Variants in PIP5K1B observed in about 807,000 individuals in gnomAD.
The protein encoded by PIP5K1B is phosphatidylinositol 4-phosphate 5-kinase type-1 beta.
Under a neutral mutation model 67.0 loss-of-function variants are expected in PIP5K1B, and 42 were observed. The ratio of observed to expected loss-of-function variants is 0.63; its 90% CI spans 0.49 to 0.81. The LOEUF is 0.81. PIP5K1B is among the 30% of genes least tolerant of loss of function. The pLI, the probability that PIP5K1B is intolerant of heterozygous loss-of-function variation, is 0.00. For missense variants in PIP5K1B, 459 were observed against 646.3 expected, an observed-to-expected ratio of 0.71 and a Z score of 3.14; for synonymous variants, 214 against 231.4, an observed-to-expected ratio of 0.92 and a Z score of 0.68.
chr9:68,776,775 G>A (rs1564125932), intron 2 of PIP5K1B, among the ~76,000 whole-genome samples: 1 of 152,188 alleles, frequency 6.6e-6, no homozygotes, highest in Non-Finnish European at 1.5e-5. Flanking sequence ...TTTAATTCAT[G>A]GGAGTGAAAC....
intron 4 of PIP5K1B, among the ~76,000 whole-genome samples, chr9:68,849,504 C>T (rs1050165949): frequency 2.0e-5 from 3 of 152,152 alleles, no homozygotes; most frequent in African/African-American, 7.2e-5. Flanking sequence ...CCTCAGCCTC[C>T]CCAGGCAAGA....
intron 8 of PIP5K1B, among the ~76,000 whole-genome samples, chr9:68,915,314 G>A (rs529410779): frequency 6.6e-6 from 1 of 152,166 alleles, no homozygotes; most frequent in African/African-American, 2.4e-5. Flanking sequence ...GTGAAGAGTT[G>A]TTGAAGCTGT....
chr9:68,770,827 C>G (rs1424932614), intron 2 of PIP5K1B, among the ~76,000 whole-genome samples: 1 of 152,104 alleles, frequency 6.6e-6, no homozygotes, highest in Non-Finnish European at 1.5e-5. Flanking sequence ...GGGACCGCTG[C>G]TGTAGTGGGT....
intron 2 of PIP5K1B, among the ~76,000 whole-genome samples, chr9:68,786,757 C>T (rs903085945): frequency 6.6e-6 from 1 of 151,680 alleles, no homozygotes; most frequent in East Asian, 1.9e-4. Context: ...TGTTTTAGAA[C>T]GAAAAGGGAC....
intron 14 of PIP5K1B, among the ~76,000 whole-genome samples, chr9:68,960,130 T>C (rs902770306): frequency 6.6e-6 from 1 of 152,242 alleles, no homozygotes; most frequent in Non-Finnish European, 1.5e-5. Context: ...AAAATGTCTT[T>C]ATGCTAACGT....
chr9:68,919,860 T>G, intron 11 of PIP5K1B, 131 bp downstream of exon 11: 1 of 550,538 alleles, frequency 1.8e-6, no homozygotes, highest in East Asian at 3.0e-5. Context: ...ACTCAGAATC[T>G]TAGGTTAGTA....
At chr9:68,713,692 A>T (rs1206183062) in intron 1 of PIP5K1B, among the ~76,000 whole-genome samples, 1 of 152,212 alleles carries the variant, frequency 6.6e-6, no homozygotes, top group Non-Finnish European at 1.5e-5. Flanking sequence ...TTGTGAATAG[A>T]TTGGGTATCT....
intron 14 of PIP5K1B, among the ~76,000 whole-genome samples, chr9:68,980,859 T>C (rs1189923196): frequency 6.6e-6 from 1 of 152,060 alleles, no homozygotes; most frequent in Non-Finnish European, 1.5e-5. Context: ...TTAAGCAAAC[T>C]TAGGGGGCAA....
rs1343529298 is a variant in PIP5K1B at position 68,742,556 on chromosome 9, C to T, written c.-187C>T. ...ATGTGACTGCAGAGCCGTCCAACCCCAGTCCTGTGACCTTTCTCTGGTGCC... is the reference window on the plus strand; with the variant it reads ...ATGTGACTGCAGAGCCGTCCAACCCTAGTCCTGTGACCTTTCTCTGGTGCC... On this transcript the variant is annotated 5_prime_UTR_variant, in exon 2 of 16. Transcript: ENST00000265382. 6.6e-6 allele frequency: 1 copy of T among 152,252 alleles called. No homozygotes were observed. Among genetic ancestry groups the T allele is most frequent in the Admixed American group, 6.5e-5 (1 of 15,286 alleles). 9.4% of individuals were successfully genotyped at this position (152,252 alleles called of 1,614,324 possible). A position where few individuals can be genotyped will look rare whatever the true frequency, so the allele number is the denominator to read the frequency against.
intron 5 of PIP5K1B, among the ~76,000 whole-genome samples, chr9:68,875,017 C>T (rs548667919): frequency 1.3e-5 from 2 of 151,998 alleles, no homozygotes; most frequent in Non-Finnish European, 2.9e-5. Context: ...TAATCCCCTC[C>T]TAAATCCCAA....
intron 2 of PIP5K1B, chr9:68,785,997 G>A (rs898099922): frequency 2.0e-5 from 3 of 152,116 alleles, no homozygotes; most frequent in Non-Finnish European, 4.4e-5. Context: ...TGCAAAACAA[G>A]CCTTATTCTT....
At chr9:68,990,951 C>T (rs961793863) in intron 14 of PIP5K1B, among the ~76,000 whole-genome samples, 189 bp from the exon 15 acceptor site, 3 of 152,064 alleles carry the variant, frequency 2.0e-5, no homozygotes, top group African/African-American at 7.2e-5. Flanking sequence ...CATGAGCCAC[C>T]GCGCCTGGGC....
intron 2 of PIP5K1B, among the ~76,000 whole-genome samples, chr9:68,750,955 G>C (rs919023605): frequency 1.3e-4 from 20 of 152,326 alleles, no homozygotes; most frequent in Admixed American, 7.2e-4. Flanking sequence ...CAAAGGTGGT[G>C]AACCTTTTGC....
intron 5 of PIP5K1B, among the ~76,000 whole-genome samples, chr9:68,872,592 G>A (rs1047071157): frequency 6.6e-6 from 1 of 152,208 alleles, no homozygotes; most frequent in African/African-American, 2.4e-5. Flanking sequence ...GGAATACTGT[G>A]AAGAGTTCCT....
chr9:68,935,235 G>C (rs1223521523), intron 13 of PIP5K1B, among the ~76,000 whole-genome samples, 190 bp downstream of exon 13: 6 of 152,196 alleles, frequency 3.9e-5, no homozygotes. Context: ...GGGAGGCCTA[G>C]GTGGGTGGAT....
intron 1 of PIP5K1B, among the ~76,000 whole-genome samples, chr9:68,711,450 C>T (rs1002990903): frequency 4.5e-4 from 68 of 152,186 alleles, no homozygotes; most frequent in African/African-American, 1.5e-3. Flanking sequence ...GGTTAAGCAT[C>T]ATGTTTTATT....
At chr9:68,958,577 A>G (rs1828530023) in intron 14 of PIP5K1B, among the ~76,000 whole-genome samples, 2 of 152,160 alleles carry the variant, frequency 1.3e-5, no homozygotes, top group Non-Finnish European at 2.9e-5. Context: ...AGCATTCATG[A>G]TTTTGTAGCT....
At chr9:68,835,700 CCTT>C (rs1243240705) in intron 4 of PIP5K1B, among the ~76,000 whole-genome samples, 2 of 152,134 alleles carry the variant, frequency 1.3e-5, no homozygotes, top group Non-Finnish European at 2.9e-5. Flanking sequence ...ACCCCATTCT[CCTT>C]CTGTGGTAGT....
chr9:68,981,618 TACC>T (rs1222646512), intron 14 of PIP5K1B, among the ~76,000 whole-genome samples: 1 of 152,192 alleles, frequency 6.6e-6, no homozygotes, highest in Non-Finnish European at 1.5e-5. Context: ...CTGTGGATAG[TACC>T]ATATGTTCCC....
Sources: gnomAD v4.1 joint callset for allele counts (sites outside exome capture counted in the v4.1 genomes callset) on GRCh38, gnomAD v4.1.1 for gene constraint, MANE v1.5 for transcripts, NCBI Gene and HGNC (gene_info 2026-07-23, HGNC 2026-07-21) for gene names.